The following FBXO38 variants were observed in gnomAD, a reference collection of about 807,000 sequenced individuals.
The protein encoded by FBXO38 is F-box protein 38, also known as F-box only protein 38.
In FBXO38, 53 loss-of-function variants were observed where a neutral mutation model predicts 131.9. That is an observed-to-expected ratio of 0.40 (90% CI 0.32 to 0.51). The LOEUF is 0.51. Ranked by LOEUF, FBXO38 falls within the 20% of genes least tolerant of loss-of-function variation. FBXO38 has a pLI of 0.53. For missense variants in FBXO38, 1,076 were observed against 1,475.6 expected (o/e 0.73, Z 4.44); for synonymous variants, 452 against 505.6 (o/e 0.89, Z 1.42).
At position 148,415,946 on chromosome 5, in the gene FBXO38, G is replaced by A. The variant is rs1164752305; in HGVS notation, c.1283G>A (p.Arg428Gln). 9.3e-6 allele frequency: 15 copies of A among 1,613,550 alleles called. No homozygotes were observed. The highest frequency in any genetic ancestry group is 1.7e-5 in the Admixed American group (1 of 59,990). Reference sequence around the variant, plus strand: ...TTAACAGACCACTCAAGATGGACTCGATTGGTTGATATCAACCTAGTACGG... The same window carrying A: ...TTAACAGACCACTCAAGATGGACTCAATTGGTTGATATCAACCTAGTACGG... ...NWISDHSRWT[R>Q]LVDINLVRCH... Residue 428 changes from arginine (R) to glutamine (Q), a missense_variant, in exon 11 of 22, where the codon CGA becomes CAA. Transcript: ENST00000340253.
rs147575212 is a variant in FBXO38, at chr5:148,436,262, CAT to C, written c.2858-2067_2858-2066del. Among the ~76,000 whole-genome samples, 841 of 152,206 alleles carry C rather than the reference CAT, an allele frequency of 5.5e-3. 33 individuals carry two copies. In the East Asian group the frequency reaches 0.1, roughly 19 times the overall value. ...CCTGTATATGTATATATATACATGA[CAT>C]ATGCACACACCCACACACACAGTAC... On this transcript the variant is annotated intron_variant, in intron 17 of 21. Transcript: ENST00000340253.
At chr5:148,396,649 A>G (rs1758496627) in intron 2 of FBXO38, among the ~76,000 whole-genome samples, 1 of 152,178 alleles carries the variant, frequency 6.6e-6, no homozygotes, top group Admixed American at 6.5e-5. Flanking sequence ...ATATGTATAT[A>G]TTTTTGAGAC....
rs1160174748 is a variant in FBXO38, at chr5:148,394,810, A to G, written c.34A>G (p.Ile12Val). Residue 12 changes from isoleucine to valine, a missense_variant, in exon 2 of 22, where the codon ATC becomes GTC. Physicochemically the swap from Ile to Val is conservative, Grantham distance 29. This residue lies in a region of FBXO38 where 58 missense variants were observed against 53.1 expected (regional missense o/e 1.09). Transcript: ENST00000340253. ...GPRKKSVKTC[I>V]MNNEIPEEMT... is the part of the protein sequence containing the mutation. ...ACGAAAGAAAAGTGTGAAAACATGTATCATGAATAATGAAATTCCAGAAGA... is the reference window on the plus strand; with the variant it reads ...ACGAAAGAAAAGTGTGAAAACATGTGTCATGAATAATGAAATTCCAGAAGA... 2 of 1,600,436 alleles carry G rather than the reference A, an allele frequency of 1.2e-6. No homozygotes were observed. Among genetic ancestry groups the G allele is most frequent in the Non-Finnish European group, 8.5e-7 (1 of 1,173,788 alleles).
At chr5:148,418,254 G>A (rs915614860) in intron 12 of FBXO38, among the ~76,000 whole-genome samples, 5 of 152,104 alleles carry the variant, frequency 3.3e-5, no homozygotes, top group Admixed American at 2.6e-4. Context: ...TCTCTGAAAC[G>A]ATTTTGCTGG....
At position 148,406,411 on chromosome 5, in the gene FBXO38, A is replaced by G. The variant is rs1752446951; in HGVS notation, c.868+17A>G. 2 of 1,520,888 alleles carry G rather than the reference A, an allele frequency of 1.3e-6. No homozygotes were observed. Among genetic ancestry groups the G allele is most frequent in the South Asian group, 1.3e-5 (1 of 77,516 alleles). 94.2% of individuals were successfully genotyped at this position (1,520,888 alleles called of 1,614,324 possible). The stretch of plus-strand genomic sequence containing the variant: ...GGAGATCAGGTATTCATTTTCTTTA[A>G]TTACTAAATATTTTTTAAAAATCAA... On this transcript the variant is annotated intron_variant, in intron 7 of 21. Transcript: ENST00000340253.
At chr5:148,384,141 C>T (rs550098670) in intron 1 of FBXO38, 102 bp downstream of exon 1, 1 of 152,822 alleles carries the variant, frequency 6.5e-6, no homozygotes, top group South Asian at 2.1e-4. Flanking sequence ...TCTGGAACTT[C>T]CGACCGCTTA....
At position 148,419,735 on chromosome 5, in the gene FBXO38, C is replaced by T. The variant is rs74523879; in HGVS notation, c.1618+2531C>T. 5.2e-3 allele frequency among the ~76,000 whole-genome samples: 788 copies of T among 152,066 alleles called. 8 individuals are homozygous for T. The highest frequency in any genetic ancestry group is 0.018 in the African/African-American group (735 of 41,468). The stretch of plus-strand genomic sequence containing the variant: ...CCAGCCTGGGTGACAGAGGGAGACC[C>T]GGAGTCTTAAAAACAAATCTTTACA... On this transcript the variant is annotated intron_variant, in intron 12 of 21. Coordinates refer to ENST00000340253, the MANE Select transcript of FBXO38 (RefSeq NM_205836.3).
At chr5:148,397,323 C>T (rs1758534269) in intron 2 of FBXO38, among the ~76,000 whole-genome samples, 1 of 152,056 alleles carries the variant, frequency 6.6e-6, no homozygotes, top group Middle Eastern at 3.2e-3. Flanking sequence ...AAATATGCTA[C>T]TTCTTAGGGA....
intron 10 of FBXO38, 93 bp downstream of exon 10, chr5:148,414,399 A>G (rs1399691342): frequency 8.8e-7 from 1 of 1,133,956 alleles, no homozygotes; most frequent in Non-Finnish European, 1.2e-6. Context: ...TGCATTCCTA[A>G]TGTAAAATGT....
intron 10 of FBXO38, among the ~76,000 whole-genome samples, chr5:148,414,588 TAA>T (rs1752948192): frequency 6.6e-6 from 1 of 152,132 alleles, no homozygotes. Flanking sequence ...AACATAAAAT[TAA>T]GGTTAGTTCA....
chr5:148,418,378 A>G (rs1753189967), intron 12 of FBXO38, among the ~76,000 whole-genome samples: 1 of 152,170 alleles, frequency 6.6e-6, no homozygotes, highest in Non-Finnish European at 1.5e-5. Context: ...TACCAACTAT[A>G]TGGTATTAAA....
At chr5:148,402,204 A>G in intron 4 of FBXO38, 59 bp downstream of exon 4, 1 of 1,573,108 alleles carries the variant, frequency 6.4e-7, no homozygotes, top group South Asian at 1.1e-5. Flanking sequence ...TAGACCAAAG[A>G]ATGATAGACG....
At chr5:148,438,147 C>G (rs1754458569) in intron 17 of FBXO38, among the ~76,000 whole-genome samples, 185 bp from the exon 18 acceptor site, 4 of 152,288 alleles carry the variant, frequency 2.6e-5, no homozygotes, top group Middle Eastern at 3.4e-3. Context: ...AATGCCCCTT[C>G]TACCTTCTTT....
chr5:148,433,067 A>G (rs1195184987), intron 15 of FBXO38, among the ~76,000 whole-genome samples: 2 of 152,174 alleles, frequency 1.3e-5, no homozygotes. Flanking sequence ...AACATTCACT[A>G]AGCTGCAGTC....
intron 20 of FBXO38, among the ~76,000 whole-genome samples, 188 bp from the exon 21 acceptor site, chr5:148,440,936 A>G (rs1754645723): frequency 6.6e-6 from 1 of 152,202 alleles, no homozygotes; most frequent in African/African-American, 2.4e-5. Context: ...TTTCTAGGAC[A>G]ATCAGAACCA....
intron 1 of FBXO38, among the ~76,000 whole-genome samples, chr5:148,393,235 G>GTGTGTGTGTGTGTGT (rs1758305426): frequency 4.8e-5 from 7 of 145,596 alleles, no homozygotes; most frequent in African/African-American, 7.7e-5. Flanking sequence ...GTGTGTGTGT[G>GTGTGTGTGTGTGTGT]ATGAGAGGCA....
Position 148,441,970 on chromosome 5 carries a change from C to A in FBXO38, c.3390C>A (p.Ser1130Arg), listed in dbSNP as rs1203605915. 3 of 1,606,642 alleles carry A rather than the reference C, an allele frequency of 1.9e-6. No individual in the cohort carries two copies. Among genetic ancestry groups the A allele is most frequent in the Non-Finnish European group, 2.5e-6 (3 of 1,177,054 alleles). The change falls in exon 22 of 22, where the codon AGC becomes AGA. Residue 1130 changes from serine to arginine, a missense_variant and splice_region_variant. Ser to Arg is a moderately radical substitution (Grantham distance 110). Around this residue, in one of 8 missense-constraint regions of FBXO38, gnomAD observed 282 missense variants for 418.8 expected, o/e 0.67. Transcript: ENST00000340253. ...CTCCTTTTATTTCTAATTTCAAAGG[C>A]ACTATCTATGCTCCTAGAAGGAAAG... ...ARYDFEDDEESTIYAPRRKGQ... is the reference protein window; with the variant it reads ...ARYDFEDDEERTIYAPRRKGQ...
At chr5:148,413,645 G>T (rs913981623) in intron 9 of FBXO38, 2 of 152,312 alleles carry the variant, frequency 1.3e-5, no homozygotes, top group Non-Finnish European at 2.9e-5. Context: ...CACTTTTAGG[G>T]TATAGATAGA....
intron 1 of FBXO38, chr5:148,389,848 GT>G (rs1462400283): frequency 6.6e-6 from 1 of 152,102 alleles, no homozygotes; most frequent in Non-Finnish European, 1.5e-5. Context: ...GGCCAACATG[GT>G]GAAATGCCGT....
Sources: gnomAD v4.1 joint callset for allele counts (sites outside exome capture counted in the v4.1 genomes callset) on GRCh38, gnomAD v4.1.1 for gene constraint, gnomAD v4.1.1 regional missense constraint, MANE v1.5 for transcripts, NCBI Gene and HGNC (gene_info 2026-07-23, HGNC 2026-07-21) for gene names.